Variants in ETS2 observed in about 807,000 individuals in gnomAD.
ETS2 encodes the protein protein C-ets-2.
Under a neutral mutation model 54.9 loss-of-function variants are expected in ETS2, and 19 were observed. The ratio of observed to expected loss-of-function variants is 0.35; its 90% CI spans 0.24 to 0.51. The LOEUF (loss-of-function observed/expected upper bound fraction) is 0.51. Ranked by LOEUF, ETS2 falls within the 20% of genes least tolerant of loss-of-function variation. ETS2 has a pLI of 0.97. For synonymous variants in ETS2, 219 were observed against 229.3 expected (o/e 0.95, Z 0.41); for missense variants, 417 against 593.0 (o/e 0.70, Z 3.08).
rs1024574263 is a variant in ETS2 at position 38,821,823 on chromosome 21, C to T, written c.1194+119C>T. ...ACCAGTACTGCTGAGAATCTTTCCA[C>T]GTGAGGCATCCTTGGCTGTTGGGAA... On this transcript the variant is annotated intron_variant, in intron 9 of 9. Coordinates refer to ENST00000360938, the MANE Select transcript of ETS2 (RefSeq NM_005239.6). The surrounding 1 kb of genome is among the most constrained non-coding windows in gnomAD (Gnocchi z 4.2). The T allele has an allele frequency of 1.3e-5, 9 of 711,916 alleles. No individual in the cohort carries two copies. The highest frequency in any genetic ancestry group is 7.0e-5 in the African/African-American group (4 of 56,776). 44.1% of individuals were successfully genotyped at this position (711,916 alleles called of 1,614,324 possible).
intron 1 of ETS2, among the ~76,000 whole-genome samples, chr21:38,807,443 AAGC>A (rs2060898199): frequency 7.0e-6 from 1 of 142,030 alleles, no homozygotes; most frequent in African/African-American, 2.6e-5. Context: ...TTTGGTTTAA[AAGC>A]AGCGATCCAT....
chr21:38,805,605 G>T (rs903732623), upstream of ETS2: 1 of 1,260,858 alleles, frequency 7.9e-7, no homozygotes, highest in African/African-American at 1.5e-5. This position sits in a 1 kb window ranked among gnomAD's most constrained non-coding sequence, Gnocchi z 5.2. Flanking sequence ...GACAGCAGGA[G>T]GCGGAGGGAA....
Position 38,819,519 on chromosome 21 carries a change from C to A in ETS2, c.828C>A (p.His276Gln). The part of the protein sequence containing the change: ...LTNNSGTPKD[H>Q]DSPENGADSF... ...CTTTGCCAGGGACTCCCAAAGACCA[C>A]GACTCCCCTGAGAACGGTGCGGACA... Residue 276 changes from histidine to glutamine, a missense_variant, in exon 8 of 10, where the codon CAC becomes CAA. By Grantham distance (24) the His-to-Gln change is conservative. Coordinates refer to ENST00000360938, the MANE Select transcript of ETS2 (RefSeq NM_005239.6). The A allele has an allele frequency of 1.9e-6, 3 of 1,613,978 alleles. No homozygotes were observed. The highest frequency in any genetic ancestry group is 2.5e-6 in the Non-Finnish European group (3 of 1,179,888).
Position 38,806,795 on chromosome 21 carries a change from A to G in ETS2, c.-1+675A>G. The G allele has an allele frequency of 1.0e-6, 1 of 985,446 alleles. No individual in the cohort carries two copies. The allele number at this position is 985,446 out of a possible 1,614,324, so 61.0% of individuals were successfully genotyped here. On this transcript the variant is annotated intron_variant, in intron 1 of 9. Coordinates refer to ENST00000360938, the MANE Select transcript of ETS2 (RefSeq NM_005239.6). This position sits in a 1 kb window ranked among gnomAD's most constrained non-coding sequence, Gnocchi z 4.3. ...GCCTTTATTTTCTCGTTCCTACAGC[A>G]TTTGAATGAAGAGGTAACTGAGTGT...
intron 1 of ETS2, chr21:38,809,742 G>A: frequency 3.4e-6 from 1 of 292,082 alleles, no homozygotes; most frequent in Non-Finnish European, 6.3e-6. Flanking sequence ...CAGCAAGGAG[G>A]CTCTGACCAG....
chr21:38,821,490 A>G lies in ETS2; in HGVS notation c.1076-96A>G. On this transcript the variant is annotated intron_variant, in intron 8 of 9. Transcript: ENST00000360938. The surrounding 1 kb of genome is among the most constrained non-coding windows in gnomAD (Gnocchi z 4.2). The stretch of plus-strand genomic sequence containing the variant: ...ACCCCATTCAGAGAGTTGGGTCTGC[A>G]TTCCTAAATCAGCATGTACAATTAG... 1 of 910,238 alleles carries G rather than the reference A, an allele frequency of 1.1e-6. No individual in the cohort carries two copies. 56.4% of individuals were successfully genotyped at this position (910,238 alleles called of 1,614,324 possible).
upstream of ETS2, chr21:38,805,586 C>T (rs1022219049): frequency 7.9e-7 from 1 of 1,272,326 alleles, no homozygotes; most frequent in Non-Finnish European, 1.0e-6. This position sits in a 1 kb window ranked among gnomAD's most constrained non-coding sequence, Gnocchi z 5.2. Context: ...GCGAGGGACC[C>T]AGCCGAGTGA....
chr21:38,810,771 T>C (rs2060910933), intron 2 of ETS2, among the ~76,000 whole-genome samples: 1 of 152,248 alleles, frequency 6.6e-6, no homozygotes, highest in Non-Finnish European at 1.5e-5. Flanking sequence ...GTAGTAAACA[T>C]GTTTCAGAAG....
rs868735460 is a variant in ETS2 at position 38,824,353 on chromosome 21, G to T, written c.*1464G>T. The T allele has an allele frequency of 6.6e-6, 1 of 152,206 alleles. No individual in the cohort carries two copies. Among genetic ancestry groups the T allele is most frequent in the Non-Finnish European group, 1.5e-5 (1 of 68,050 alleles). 9.4% of individuals were successfully genotyped at this position (152,206 alleles called of 1,614,324 possible). Reference sequence around the variant, plus strand: ...GAGAAAGCATCGGAGCCATTCATTCGGAGAAAACGTTTTGATCAAAATGGA... The same window carrying T: ...GAGAAAGCATCGGAGCCATTCATTCTGAGAAAACGTTTTGATCAAAATGGA... On this transcript the variant is annotated 3_prime_UTR_variant, in exon 10 of 10. Transcript: ENST00000360938.
At chr21:38,805,400 T>C (rs1486920469), upstream of ETS2, 2 of 1,288,692 alleles carry the variant, frequency 1.6e-6, no homozygotes, top group Non-Finnish European at 2.0e-6. This position sits in a 1 kb window ranked among gnomAD's most constrained non-coding sequence, Gnocchi z 5.2. Context: ...TGCCCTTCGG[T>C]GCCACCAGCA....
At chr21:38,819,434 G>GCTAT in intron 7 of ETS2, 69 bp from the exon 8 acceptor site, 1 of 1,460,290 alleles carries the variant, frequency 6.8e-7, no homozygotes, top group Non-Finnish European at 9.6e-7. Flanking sequence ...GGTTGGTGAT[G>GCTAT]CTATGGTCGT....
In ETS2 at chr21:38,822,916, C is replaced by T. The variant is rs2060964342; in HGVS notation, c.*27C>T. 5.3e-6 allele frequency: 8 copies of T among 1,512,836 alleles called. No individual in the cohort carries two copies. The Middle Eastern group carries it at 8.8e-4, about 167-fold the overall frequency. 93.7% of individuals were successfully genotyped at this position (1,512,836 alleles called of 1,614,324 possible). A position where few individuals can be genotyped will look rare whatever the true frequency, so the allele number is the denominator to read the frequency against. On this transcript the variant is annotated 3_prime_UTR_variant, in exon 10 of 10. Transcript: ENST00000360938. ...GTCGCCGGGACCACCCTGAGCCGGC[C>T]CCAGGCTCGTGGACTGAGTGGGAAG... is the stretch of plus-strand genomic sequence containing the variant.
At chr21:38,817,365 T>C (rs1253571817) in intron 6 of ETS2, among the ~76,000 whole-genome samples, 1 of 152,278 alleles carries the variant, frequency 6.6e-6, no homozygotes, top group Non-Finnish European at 1.5e-5. Context: ...ATTGATTACA[T>C]ATTGAAATGA....
rs74496889 is a variant in ETS2 at position 38,806,754 on chromosome 21, C to T, written c.-1+634C>T. 2.2e-3 allele frequency: 2,182 copies of T among 985,478 alleles called. 34 individuals are homozygous for T. The African/African-American group carries it at 0.031, about 14-fold the overall frequency. 61.0% of individuals were successfully genotyped at this position (985,478 alleles called of 1,614,324 possible). A position where few individuals can be genotyped will look rare whatever the true frequency, so the allele number is the denominator to read the frequency against. On this transcript the variant is annotated intron_variant, in intron 1 of 9. Transcript: ENST00000360938. This position sits in a 1 kb window ranked among gnomAD's most constrained non-coding sequence, Gnocchi z 4.3. ...GTGGGGAACCTGTCGGAAATGAGAT[C>T]TGGTTGCGCTGGGCTGCCTTTATTT...
chr21:38,809,407 A>ATATTTTGAGCTCTG, intron 1 of ETS2, among the ~76,000 whole-genome samples: 1 of 152,178 alleles, frequency 6.6e-6, no homozygotes, highest in Non-Finnish European at 1.5e-5. Context: ...CAAAGCAGAA[A>ATATTTTGAGCTCTG]TATTTTGAGC....
At position 38,814,228 on chromosome 21, in the gene ETS2, C is replaced by A; in HGVS notation, c.185-45C>A. The A allele has an allele frequency of 6.3e-7, 1 of 1,596,754 alleles. No individual in the cohort carries two copies. Among genetic ancestry groups the A allele is most frequent in the Non-Finnish European group, 8.6e-7 (1 of 1,169,316 alleles). On this transcript the variant is annotated intron_variant, in intron 3 of 9. Coordinates refer to ENST00000360938, the MANE Select transcript of ETS2 (RefSeq NM_005239.6). This position sits in a 1 kb window ranked among gnomAD's most constrained non-coding sequence, Gnocchi z 4.2. ...TCTCTCCTAAATCTCCACCTGATAT[C>A]ACCAACTTGAAGTCCTAATGTCCCC...
chr21:38,809,763 A>G, intron 1 of ETS2: 3 of 308,528 alleles, frequency 9.7e-6, no homozygotes, highest in Non-Finnish European at 1.8e-5. Context: ...CCAGCCAGCA[A>G]GTGACTTTTT....
chr21:38,806,603 T>A lies in ETS2; in HGVS notation c.-1+483T>A. 1 of 984,904 alleles carries A rather than the reference T, an allele frequency of 1.0e-6. No homozygotes were observed. The allele number at this position is 984,904 out of a possible 1,614,324, so 61.0% of individuals were successfully genotyped here. A position where few individuals can be genotyped will look rare whatever the true frequency, so the allele number is the denominator to read the frequency against. On this transcript the variant is annotated intron_variant, in intron 1 of 9. Coordinates refer to ENST00000360938, the MANE Select transcript of ETS2 (RefSeq NM_005239.6). This position sits in a 1 kb window ranked among gnomAD's most constrained non-coding sequence, Gnocchi z 4.3. ...CTGGAGCGGCGCCGGGCCCGGAGGA[T>A]CTGGGGCGCCCAAGACACCTGAAGG...
In ETS2 at chr21:38,819,717, G is replaced by A. The variant is rs961468129; in HGVS notation, c.1026G>A (p.Val342=). ...KDYIQERSDP[V]EQGKPVIPAA... ...ACATCCAAGAGAGGAGTGACCCAGT[G>A]GAGCAAGGCAAACCAGTTATACCTG... Residue 342 remains valine, a synonymous_variant, in exon 8 of 10, where the codon GTG becomes GTA. Transcript: ENST00000360938. 5 of 1,613,828 alleles carry A rather than the reference G, an allele frequency of 3.1e-6. No homozygotes were observed. In the African/African-American group the frequency reaches 5.3e-5, roughly 17 times the overall value.
Sources: gnomAD v4.1 joint callset for allele counts (sites outside exome capture counted in the v4.1 genomes callset) on GRCh38, gnomAD v4.1.1 for gene constraint, Gnocchi (gnomAD v3.1) non-coding constraint, MANE v1.5 for transcripts, NCBI Gene and HGNC (gene_info 2026-07-23, HGNC 2026-07-21) for gene names.